The following TENM3 variants were observed in gnomAD, a reference collection of about 807,000 sequenced individuals.
TENM3 encodes teneurin-3.
In TENM3, 63 loss-of-function variants were observed where a neutral mutation model predicts 255.1. The observed-to-expected ratio is 0.25, with a 90% CI of 0.20 to 0.30. The LOEUF is 0.30. Ranked by LOEUF, TENM3 falls within the 10% of genes least tolerant of loss-of-function variation. TENM3 has a pLI of 1.00. For synonymous variants in TENM3, 1,306 were observed against 1,322.3 expected, an observed-to-expected ratio of 0.99 and a Z score of 0.27; for missense variants, 2,929 against 3,461.1, an observed-to-expected ratio of 0.85 and a Z score of 3.86.
chr4:181,472,617 AC>A, the TENM3 span, among the ~76,000 whole-genome samples: 1 of 151,708 alleles, frequency 6.6e-6, no homozygotes, highest in Non-Finnish European at 1.5e-5. Flanking sequence ...ATTCCTGAGC[AC>A]AGGGGAGGTG....
chr4:182,418,074 AGGTGC>A (rs1453812957), intron 3 of TENM3, among the ~76,000 whole-genome samples: 1 of 152,242 alleles, frequency 6.6e-6, no homozygotes, highest in African/African-American at 2.4e-5. Context: ...TTATCTGTGC[AGGTGC>A]TAACATAAAA....
chr4:181,761,105 T>C, the TENM3 span, among the ~76,000 whole-genome samples: 3 of 151,996 alleles, frequency 2.0e-5, no homozygotes, highest in Non-Finnish European at 4.4e-5. Flanking sequence ...TCTAAACGTC[T>C]CTATATTGTC....
chr4:181,900,716 A>G, the TENM3 span, among the ~76,000 whole-genome samples: 1 of 152,244 alleles, frequency 6.6e-6, no homozygotes. Flanking sequence ...TGTGAAGTGC[A>G]ACAAAGAATA....
chr4:181,912,994 G>A, the TENM3 span, among the ~76,000 whole-genome samples: 5 of 152,180 alleles, frequency 3.3e-5, no homozygotes, highest in Non-Finnish European at 7.4e-5. Flanking sequence ...ATAAGTGAAG[G>A]CTCTAAAGCA....
intron 5 of TENM3, among the ~76,000 whole-genome samples, chr4:182,633,032 T>C (rs1164230034): frequency 6.6e-6 from 1 of 152,044 alleles, no homozygotes; most frequent in African/African-American, 2.4e-5. Flanking sequence ...TGGGCTCAAG[T>C]GATCCTCCCA....
intron 1 of TENM3, among the ~76,000 whole-genome samples, chr4:182,164,723 A>T (rs149909412): frequency 6.6e-6 from 1 of 152,168 alleles, no homozygotes; most frequent in African/African-American, 2.4e-5. Flanking sequence ...TGGTTGCGTG[A>T]CATAGCACCT....
chr4:182,125,252 C>T, the TENM3 span, among the ~76,000 whole-genome samples: 1 of 152,222 alleles, frequency 6.6e-6, no homozygotes, highest in Non-Finnish European at 1.5e-5. Context: ...CTACTCGCCC[C>T]TTCCATCTCG....
At chr4:182,137,421 A>C in the TENM3 span, among the ~76,000 whole-genome samples, 2 of 151,940 alleles carry the variant, frequency 1.3e-5, no homozygotes, top group Admixed American at 1.3e-4. Context: ...AGGCAATTGC[A>C]TGCCTTTTAT....
intron 17 of TENM3, among the ~76,000 whole-genome samples, chr4:182,737,956 T>C (rs1218561823): frequency 6.6e-6 from 1 of 152,184 alleles, no homozygotes; most frequent in Non-Finnish European, 1.5e-5. Flanking sequence ...CTGGCTAGCT[T>C]TTTTGTTCCA....
the TENM3 span, among the ~76,000 whole-genome samples, chr4:181,577,231 G>T: frequency 7.3e-6 from 1 of 137,722 alleles, no homozygotes; most frequent in Non-Finnish European, 1.5e-5. Flanking sequence ...AGTAGAGATG[G>T]GGTTTCTCCA....
At chr4:181,854,142 T>C in the TENM3 span, among the ~76,000 whole-genome samples, 2 of 152,192 alleles carry the variant, frequency 1.3e-5, no homozygotes, top group Non-Finnish European at 2.9e-5. Context: ...ACTGATGGCA[T>C]AATGATTATG....
chr4:181,889,030 G>C, the TENM3 span, among the ~76,000 whole-genome samples: 1 of 152,022 alleles, frequency 6.6e-6, no homozygotes, highest in Admixed American at 6.5e-5. Flanking sequence ...TGTTTCACCA[G>C]CTACCCGGGC....
At chr4:181,680,784 GTT>G in the TENM3 span, among the ~76,000 whole-genome samples, 8 of 152,040 alleles carry the variant, frequency 5.3e-5, no homozygotes, top group Non-Finnish European at 8.8e-5. Flanking sequence ...AAATTGTCAA[GTT>G]TCACAGATGC....
chr4:181,604,133 C>T, the TENM3 span, among the ~76,000 whole-genome samples: 51 of 152,064 alleles, frequency 3.4e-4, no homozygotes, highest in Admixed American at 1.4e-3. Context: ...GGCGTGGTGG[C>T]GGGTGCCTGT....
the TENM3 span, among the ~76,000 whole-genome samples, chr4:181,460,678 C>T: frequency 7.3e-5 from 10 of 136,864 alleles, no homozygotes; most frequent in South Asian, 2.3e-4. Flanking sequence ...AGCTATAGTT[C>T]TTTTTTTTTT....
At chr4:181,685,336 T>G in the TENM3 span, among the ~76,000 whole-genome samples, 2 of 152,314 alleles carry the variant, frequency 1.3e-5, no homozygotes, top group East Asian at 3.9e-4. Context: ...AAATATGCAC[T>G]GCTGAAAATC....
chr4:182,701,432 G>A (rs1757865721), intron 12 of TENM3, among the ~76,000 whole-genome samples: 1 of 151,728 alleles, frequency 6.6e-6, no homozygotes, highest in South Asian at 2.1e-4. Flanking sequence ...GTGTTAGCCA[G>A]GATGGTCTCA....
Position 182,775,105 on chromosome 4 carries a change from A to G in TENM3, c.5256A>G (p.Arg1752=), listed in dbSNP as rs375917995. ...AAAACTTGGTGGAATGGAGATTCCG[A>G]AAAGAGCAAGCCCAAGGGAAAGTCA... ...NGQNLVEWRF[R]KEQAQGKVNV... Residue 1752 remains arginine (R), a synonymous_variant, in exon 24 of 28, where the codon CGA becomes CGG. Transcript: ENST00000511685. 272 of 1,613,918 alleles carry G rather than the reference A, an allele frequency of 1.7e-4. No homozygotes were observed. The highest frequency in any genetic ancestry group is 2.2e-4 in the Non-Finnish European group (264 of 1,179,902).
At chr4:182,384,108 G>A (rs1054068011) in intron 3 of TENM3, among the ~76,000 whole-genome samples, 5 of 152,060 alleles carry the variant, frequency 3.3e-5, no homozygotes, top group Non-Finnish European at 7.4e-5. Context: ...GAAGGGACGT[G>A]AGAAAAGCCC....
Sources: gnomAD v4.1 joint callset for allele counts (sites outside exome capture counted in the v4.1 genomes callset) on GRCh38, gnomAD v4.1.1 for gene constraint, MANE v1.5 for transcripts, NCBI Gene and HGNC (gene_info 2026-07-23, HGNC 2026-07-21) for gene names.